Variants in STK17A observed in about 807,000 individuals in gnomAD.
STK17A encodes serine/threonine kinase 17a.
In STK17A, 26 loss-of-function variants were observed where a neutral mutation model predicts 43.7. That is an observed-to-expected ratio of 0.60 (90% CI 0.44 to 0.83). The LOEUF is 0.83. Among genes scored for constraint, STK17A ranks in the 40% least tolerant of loss-of-function variants. The pLI, the probability that STK17A is intolerant of heterozygous loss-of-function variation, is 0.00. For synonymous variants in STK17A, 191 were observed against 182.5 expected, an observed-to-expected ratio of 1.05 and a Z score of -0.38; for missense variants, 476 against 511.6, an observed-to-expected ratio of 0.93 and a Z score of 0.67.
At position 43,624,714 on chromosome 7, in the gene STK17A, G is replaced by A; in HGVS notation, c.1117G>A (p.Val373Ile). The change falls in exon 7 of 7, where the codon GTT becomes ATT. Residue 373 changes from valine to isoleucine, a missense_variant. By Grantham distance (29) the Val-to-Ile change is conservative. This residue lies in a region of STK17A where 110 missense variants were observed against 103.7 expected (regional missense o/e 1.06). Coordinates refer to ENST00000319357, the MANE Select transcript of STK17A (RefSeq NM_004760.3). The stretch of plus-strand genomic sequence containing the variant: ...CATTGTAACCGAAGAGTTAATTGTA[G>A]TTACTTCATATACTCTAGGACAATG... ...ESIVTEELIV[V>I]TSYTLGQCRQ... 1 of 1,614,060 alleles carries A rather than the reference G, an allele frequency of 6.2e-7. No homozygotes were observed. The highest frequency in any genetic ancestry group is 8.5e-7 in the Non-Finnish European group (1 of 1,179,970).
intron 1 of STK17A, among the ~76,000 whole-genome samples, chr7:43,594,193 G>A (rs943572953): frequency 6.6e-6 from 1 of 151,948 alleles, no homozygotes; most frequent in African/African-American, 2.4e-5. Context: ...GGAAGTCCAA[G>A]GCTGCATTGA....
intron 3 of STK17A, among the ~76,000 whole-genome samples, chr7:43,613,693 A>C (rs981983905): frequency 6.6e-6 from 1 of 152,114 alleles, no homozygotes; most frequent in Non-Finnish European, 1.5e-5. Context: ...AAATTAAAAA[A>C]ATCAGCCAGC....
At chr7:43,610,346 CAAAAAAAAAAAAA>C (rs138859141) in intron 3 of STK17A, among the ~76,000 whole-genome samples, 540 of 41,356 alleles carry the variant, frequency 0.013, 13 homozygotes, top group African/African-American at 0.053. Flanking sequence ...GACTCCGTCT[CAAAAAAAAAAAAA>C]AAAAAAAAAA....
chr7:43,583,140 G>C lies in STK17A; in HGVS notation c.-104G>C, dbSNP rs1008554063. ...GAGCGCCGCGCTGGGGAGAGCGGGT[G>C]TTTGAAGGCTCCGCGGACCGGCACT... On this transcript the variant is annotated 5_prime_UTR_variant, in exon 1 of 7. Transcript: ENST00000319357. The C allele has an allele frequency of 5.9e-5, 76 of 1,285,532 alleles. No individual in the cohort carries two copies. The highest frequency in any genetic ancestry group is 7.8e-5 in the Non-Finnish European group (73 of 936,902). The allele number at this position is 1,285,532 out of a possible 1,614,324, so 79.6% of individuals were successfully genotyped here.
chr7:43,613,990 CA>C (rs1312836340), intron 3 of STK17A, among the ~76,000 whole-genome samples: 1 of 152,104 alleles, frequency 6.6e-6, no homozygotes, highest in Non-Finnish European at 1.5e-5. Context: ...AACAGTCCCC[CA>C]AATTAATTTA....
At chr7:43,608,538 C>G in intron 3 of STK17A, 138 bp downstream of exon 3, 1 of 979,926 alleles carries the variant, frequency 1.0e-6, no homozygotes, top group Non-Finnish European at 1.5e-6. Context: ...GTCTTTACTC[C>G]TATCCTCTAG....
chr7:43,591,621 G>C (rs551259454), intron 1 of STK17A, among the ~76,000 whole-genome samples: 3 of 151,676 alleles, frequency 2.0e-5, no homozygotes, highest in Non-Finnish European at 4.4e-5. Flanking sequence ...AAGGAGAGCC[G>C]TGGGAACTGC....
intron 3 of STK17A, among the ~76,000 whole-genome samples, chr7:43,619,294 C>T (rs1430652686): frequency 1.3e-5 from 2 of 152,114 alleles, no homozygotes; most frequent in Non-Finnish European, 2.9e-5. Flanking sequence ...ATAGTAGGAG[C>T]AAGCGTGCTG....
intron 1 of STK17A, 132 bp downstream of exon 1, chr7:43,583,581 T>G: frequency 1.2e-6 from 1 of 830,816 alleles, no homozygotes; most frequent in Non-Finnish European, 1.6e-6. Context: ...CGTTGTGACT[T>G]GGCACAAACT....
At chr7:43,594,289 G>A (rs564975398) in intron 1 of STK17A, among the ~76,000 whole-genome samples, 7 of 152,018 alleles carry the variant, frequency 4.6e-5, no homozygotes, top group East Asian at 1.9e-4. Flanking sequence ...CATGGGGATG[G>A]GGATTGATTG....
Position 43,600,856 on chromosome 7 carries a change from A to G in STK17A, c.419+4743A>G, listed in dbSNP as rs549340618. Among the ~76,000 whole-genome samples the G allele has an allele frequency of 1.4e-4, 22 of 152,362 alleles. No individual in the cohort carries two copies. The East Asian group carries it at 1.9e-3, about 13-fold the overall frequency. On this transcript the variant is annotated intron_variant, in intron 2 of 6. Transcript: ENST00000319357. The stretch of plus-strand genomic sequence containing the variant: ...CAGCCTCCCAAAATGCTGGGCTTAT[A>G]AGCATGAGCCACCATGCATGGCCTA...
intron 6 of STK17A, 108 bp downstream of exon 6, chr7:43,623,996 C>T: frequency 6.6e-6 from 5 of 762,258 alleles, no homozygotes; most frequent in Non-Finnish European, 9.3e-6. Flanking sequence ...AAAAATAGTT[C>T]AACTTCTAAA....
intron 4 of STK17A, 60 bp downstream of exon 4, chr7:43,619,783 T>C (rs2083688710): frequency 1.9e-6 from 3 of 1,584,038 alleles, no homozygotes; most frequent in Admixed American, 3.6e-5. Context: ...TTAGGGGACT[T>C]GTCCATGTGG....
At chr7:43,610,518 T>A (rs2082762735) in intron 3 of STK17A, among the ~76,000 whole-genome samples, 1 of 151,058 alleles carries the variant, frequency 6.6e-6, no homozygotes, top group African/African-American at 2.4e-5. Flanking sequence ...ATACAAAAAA[T>A]TAGCCAAGTG....
At chr7:43,597,103 G>C (rs2152971254) in intron 2 of STK17A, among the ~76,000 whole-genome samples, 1 of 152,144 alleles carries the variant, frequency 6.6e-6, no homozygotes, top group African/African-American at 2.4e-5. Context: ...TATTCATCTA[G>C]CCAAAGCGGT....
chr7:43,606,565 A>G (rs1198537071), intron 2 of STK17A, among the ~76,000 whole-genome samples: 1 of 152,192 alleles, frequency 6.6e-6, no homozygotes, highest in East Asian at 1.9e-4. Flanking sequence ...TTAATTTCCC[A>G]GTAAAATTTT....
At chr7:43,600,654 C>T (rs1049304543) in intron 2 of STK17A, among the ~76,000 whole-genome samples, 18 of 152,128 alleles carry the variant, frequency 1.2e-4, no homozygotes, top group African/African-American at 4.3e-4. Flanking sequence ...TTGATTGAGC[C>T]ATTTTAGTAT....
Position 43,624,962 on chromosome 7 carries a change from A to G in STK17A, c.*120A>G. Reference sequence around the variant, plus strand: ...ATAACCAGTATCACTTACACAAACAAAAATAACTTTGTCAAATTTGTGGAG... The same window carrying G: ...ATAACCAGTATCACTTACACAAACAGAAATAACTTTGTCAAATTTGTGGAG... On this transcript the variant is annotated 3_prime_UTR_variant, in exon 7 of 7. Coordinates refer to ENST00000319357, the MANE Select transcript of STK17A (RefSeq NM_004760.3). 1.1e-6 allele frequency: 1 copy of G among 948,394 alleles called. No homozygotes were observed. The highest frequency in any genetic ancestry group is 1.5e-6 in the Non-Finnish European group (1 of 672,674). 58.7% of individuals were successfully genotyped at this position (948,394 alleles called of 1,614,324 possible).
chr7:43,624,874 T>G lies in STK17A; in HGVS notation c.*32T>G. 6.5e-7 allele frequency: 1 copy of G among 1,538,506 alleles called. No individual in the cohort carries two copies. ...TTTCCCTTTAGAACTTCAAGATTTC[T>G]ACATTGAAAATGTTAATATTATTTA... is the stretch of plus-strand genomic sequence containing the variant. On this transcript the variant is annotated 3_prime_UTR_variant, in exon 7 of 7. Transcript: ENST00000319357.
Sources: allele counts gnomAD v4.1 joint callset (sites outside exome capture counted in the v4.1 genomes callset), GRCh38; gene constraint gnomAD v4.1.1; regional missense constraint gnomAD v4.1.1; transcripts MANE v1.5; gene names NCBI Gene and HGNC (gene_info 2026-07-23, HGNC 2026-07-21).